Variants in DNAH9 observed in about 807,000 individuals in gnomAD.
DNAH9 encodes dynein axonemal heavy chain 9, also known as DNAH9 variant protein.
DNAH9 carries 345 observed loss-of-function variants against 471.6 expected under a neutral mutation model. The ratio of observed to expected loss-of-function variants is 0.73; its 90% CI spans 0.67 to 0.80. DNAH9 has a LOEUF of 0.80. Ranked by LOEUF, DNAH9 falls within the 30% of genes least tolerant of loss-of-function variation. The pLI, the probability that DNAH9 is intolerant of heterozygous loss-of-function variation, is 0.00. For synonymous variants in DNAH9, 2,093 were observed against 2,123.6 expected, an observed-to-expected ratio of 0.99 and a Z score of 0.40; for missense variants, 5,407 against 5,609.2, an observed-to-expected ratio of 0.96 and a Z score of 1.15.
At chr17:11,825,690 A>G (rs1219308659) in intron 48 of DNAH9, among the ~76,000 whole-genome samples, 1 of 152,204 alleles carries the variant, frequency 6.6e-6, no homozygotes, top group Admixed American at 6.5e-5. Context: ...TTTGCCACAC[A>G]AAAGAATTTG....
intron 29 of DNAH9, among the ~76,000 whole-genome samples, chr17:11,739,570 A>G (rs1035987756): frequency 3.3e-5 from 5 of 152,182 alleles, no homozygotes; most frequent in Admixed American, 6.5e-5. Flanking sequence ...GTTAATAGGT[A>G]GAAACATTTT....
At chr17:11,925,683 T>C (rs1974296965) in intron 62 of DNAH9, among the ~76,000 whole-genome samples, 1 of 152,156 alleles carries the variant, frequency 6.6e-6, no homozygotes, top group Non-Finnish European at 1.5e-5. Context: ...CCAGCATCTA[T>C]TGGCCATGCA....
intron 30 of DNAH9, among the ~76,000 whole-genome samples, chr17:11,743,529 C>G (rs2075463227): frequency 6.6e-6 from 1 of 152,216 alleles, no homozygotes; most frequent in South Asian, 2.1e-4. Context: ...CTGCTAAATA[C>G]TGCAGGGTGT....
At chr17:11,803,157 C>G (rs1969531087) in intron 43 of DNAH9, among the ~76,000 whole-genome samples, 1 of 152,202 alleles carries the variant, frequency 6.6e-6, no homozygotes, top group Non-Finnish European at 1.5e-5. Flanking sequence ...TGACTTTCGT[C>G]ACCACTTCAG....
intron 53 of DNAH9, among the ~76,000 whole-genome samples, chr17:11,876,161 T>G (rs1972473075): frequency 6.6e-6 from 1 of 152,102 alleles, no homozygotes. Context: ...TATAGCAGCA[T>G]TATTCATAAT....
In DNAH9 at chr17:11,863,497, C is replaced by T. The variant is rs576571999; in HGVS notation, c.9934-5637C>T. Among the ~76,000 whole-genome samples, 41 of 152,258 alleles carry T rather than the reference C, an allele frequency of 2.7e-4. No homozygotes were observed. The East Asian group carries it at 7.0e-3, about 26-fold the overall frequency. On this transcript the variant is annotated intron_variant, in intron 50 of 68. Coordinates refer to ENST00000262442, the MANE Select transcript of DNAH9 (RefSeq NM_001372.4). ...CTAAAATTCTCTTTTTTGGTTGTGT[C>T]TCTGCCCGACTTTGGTATCAGGATG...
chr17:11,689,928 C>T lies in DNAH9; in HGVS notation c.4106C>T (p.Ser1369Phe). Residue 1369 changes from serine (S) to phenylalanine (F), a missense_variant, in exon 20 of 69, where the codon TCC becomes TTC. Around this residue, in one of 3 missense-constraint regions of DNAH9, gnomAD observed 4,636 missense variants for 4,900.3 expected, o/e 0.95. Transcript: ENST00000262442. ...AGCACTGTGTGGAACACGCTGAGCT[C>T]CCTGAGGGCAGTAGCTGAGCTGCAG... ...LESTVWNTLS[S>F]LRAVAELQNP... 6.2e-7 allele frequency: 1 copy of T among 1,610,898 alleles called. No homozygotes were observed. Among genetic ancestry groups the T allele is most frequent in the Non-Finnish European group, 8.5e-7 (1 of 1,178,468 alleles).
chr17:11,948,342 C>T (rs1371264122), intron 67 of DNAH9, among the ~76,000 whole-genome samples: 1 of 150,830 alleles, frequency 6.6e-6, no homozygotes, highest in Non-Finnish European at 1.5e-5. Flanking sequence ...TATTCTCCTG[C>T]CTCAGCCTCC....
Position 11,932,224 on chromosome 17 carries a change from C to G in DNAH9, c.12297+19C>G. ...CGCAAAGGTAAAGGCCATGGACATTCAGGGACCAGCCAGGTTGGGAGAGGG... is the reference window on the plus strand; with the variant it reads ...CGCAAAGGTAAAGGCCATGGACATTGAGGGACCAGCCAGGTTGGGAGAGGG... On this transcript the variant is annotated intron_variant, in intron 64 of 68. Coordinates refer to ENST00000262442, the MANE Select transcript of DNAH9 (RefSeq NM_001372.4). This position sits in a 1 kb window ranked among gnomAD's most constrained non-coding sequence, Gnocchi z 4.3. 1 of 1,608,036 alleles carries G rather than the reference C, an allele frequency of 6.2e-7. No individual in the cohort carries two copies. The highest frequency in any genetic ancestry group is 8.5e-7 in the Non-Finnish European group (1 of 1,175,768).
At chr17:11,822,692 T>G (rs2150941611) in intron 47 of DNAH9, 93 bp downstream of exon 47, 1 of 1,591,584 alleles carries the variant, frequency 6.3e-7, no homozygotes, top group Non-Finnish European at 8.6e-7. Context: ...AGATCAAGCT[T>G]GAAGCATAAG....
At chr17:11,894,586 G>A (rs1455075544) in intron 59 of DNAH9, 90 bp downstream of exon 59, 3 of 1,533,602 alleles carry the variant, frequency 2.0e-6, no homozygotes, top group Non-Finnish European at 1.8e-6. Context: ...AGGGCTCTCT[G>A]TTGGAGTTCA....
chr17:11,877,940 T>C (rs541319716), intron 53 of DNAH9, among the ~76,000 whole-genome samples: 1 of 152,116 alleles, frequency 6.6e-6, no homozygotes, highest in African/African-American at 2.4e-5. Context: ...TTCACCATAT[T>C]GCCCAGTGGT....
At chr17:11,618,974 A>C (rs182419542) in intron 5 of DNAH9, among the ~76,000 whole-genome samples, 1 of 152,220 alleles carries the variant, frequency 6.6e-6, no homozygotes, top group Admixed American at 6.5e-5. Context: ...AGTGTAAGAA[A>C]ACCGAAACCA....
intron 33 of DNAH9, among the ~76,000 whole-genome samples, chr17:11,753,602 G>T (rs975929939): frequency 6.6e-6 from 1 of 152,170 alleles, no homozygotes; most frequent in Non-Finnish European, 1.5e-5. Context: ...GGAGGCAGAG[G>T]TTGCAGTGAG....
Position 11,909,617 on chromosome 17 carries a change from A to C in DNAH9, c.11749+3808A>C, listed in dbSNP as rs575862840. Among the ~76,000 whole-genome samples, 7 of 152,084 alleles carry C rather than the reference A, an allele frequency of 4.6e-5. No individual in the cohort carries two copies. In the East Asian group the frequency reaches 5.8e-4, roughly 13 times the overall value. ...ATCTCAGGAAATGTAAGGAATAAAA[A>C]TCTTTCAGTGGCATTTGCCCCTCCA... is the stretch of plus-strand genomic sequence containing the variant. On this transcript the variant is annotated intron_variant, in intron 61 of 68. Transcript: ENST00000262442.
In DNAH9 at chr17:11,736,452, C is replaced by T. The variant is rs542726250; in HGVS notation, c.5815-2428C>T. Reference sequence around the variant, plus strand: ...CTGGGCTTGCATTTAATCCATACATCCCTAGTTCACCTGCTTCTCCACTTC... The same window carrying T: ...CTGGGCTTGCATTTAATCCATACATTCCTAGTTCACCTGCTTCTCCACTTC... On this transcript the variant is annotated intron_variant, in intron 28 of 68. Transcript: ENST00000262442. Among the ~76,000 whole-genome samples the T allele has an allele frequency of 3.3e-5, 5 of 152,248 alleles. 1 individual carries two copies. The South Asian group carries it at 1.0e-3, about 32-fold the overall frequency.
chr17:11,942,266 G>C (rs750108800), intron 66 of DNAH9, 37 bp from the exon 67 acceptor site: 1 of 1,603,050 alleles, frequency 6.2e-7, no homozygotes, highest in Non-Finnish European at 8.5e-7. Flanking sequence ...GGAGAATAGA[G>C]CCCTTTCTTA....
At chr17:11,722,459 C>T (rs1051197496) in intron 27 of DNAH9, among the ~76,000 whole-genome samples, 2 of 152,090 alleles carry the variant, frequency 1.3e-5, no homozygotes, top group African/African-American at 2.4e-5. Context: ...GAATGAGGAA[C>T]CAGCTGATGT....
At chr17:11,759,751 A>G (rs897931346) in intron 35 of DNAH9, among the ~76,000 whole-genome samples, 64 of 148,058 alleles carry the variant, frequency 4.3e-4, no homozygotes, top group African/African-American at 1.6e-3. Flanking sequence ...CAATGGCGTG[A>G]TCTCAGCTCA....
Sources: allele counts gnomAD v4.1 joint callset (sites outside exome capture counted in the v4.1 genomes callset), GRCh38; gene constraint gnomAD v4.1.1; regional missense constraint gnomAD v4.1.1; non-coding constraint Gnocchi (gnomAD v3.1); transcripts MANE v1.5; gene names NCBI Gene and HGNC (gene_info 2026-07-23, HGNC 2026-07-21).